Variants in ARHGEF18 observed in about 807,000 individuals in gnomAD.
ARHGEF18 encodes the protein Rho/Rac guanine nucleotide exchange factor 18.
In ARHGEF18, 93 loss-of-function variants were observed where a neutral mutation model predicts 155.7. That is an observed-to-expected ratio of 0.60 (90% CI 0.50 to 0.71). The LOEUF is 0.71. Among genes scored for constraint, ARHGEF18 ranks in the 30% least tolerant of loss-of-function variants. ARHGEF18 has a pLI of 0.00. For missense variants in ARHGEF18, 1,593 were observed against 1,816.1 expected, an observed-to-expected ratio of 0.88 and a Z score of 2.23; for synonymous variants, 742 against 753.1, an observed-to-expected ratio of 0.99 and a Z score of 0.24.
chr19:7,418,000 T>C (rs866874378), intron 10 of ARHGEF18, among the ~76,000 whole-genome samples: 1 of 152,216 alleles, frequency 6.6e-6, no homozygotes, highest in African/African-American at 2.4e-5. Context: ...GGCCATAGTT[T>C]GCCGACCATT....
Position 7,467,264 on chromosome 19 carries a change from CCAGGAGCGGGAGAAG to C in ARHGEF18, c.3064_3078del (p.Glu1022_Gln1026del), listed in dbSNP as rs1169510568. 1.3e-6 allele frequency: 2 copies of C among 1,562,578 alleles called. No homozygotes were observed. ...ATGTGGAGACGCAGCGGGCTGCCATCCAGGAGCGGGAGAAGCAGTTCCGGCTGCAGTCGACGCGTG... is the reference window on the plus strand; with the variant it reads ...ATGTGGAGACGCAGCGGGCTGCCATCCAGTTCCGGCTGCAGTCGACGCGTG... On this transcript the variant is annotated inframe_deletion, in exon 26 of 29. Transcript: ENST00000668164.
At chr19:7,374,369 A>C (rs1970337699) in intron 3 of ARHGEF18, among the ~76,000 whole-genome samples, 1 of 152,066 alleles carries the variant, frequency 6.6e-6, no homozygotes, top group Non-Finnish European at 1.5e-5. Context: ...ATGCATGCAC[A>C]AGCCCAAACT....
Position 7,378,462 on chromosome 19 carries a change from G to A in ARHGEF18, c.599+11G>A. The A allele has an allele frequency of 8.1e-7, 1 of 1,234,414 alleles. No homozygotes were observed. The highest frequency in any genetic ancestry group is 1.0e-6 in the Non-Finnish European group (1 of 988,232). The allele number at this position is 1,234,414 out of a possible 1,614,324, so 76.5% of individuals were successfully genotyped here. ...GGAACCAGATCACGTGTGAGTTTCT[G>A]CCTCGTGGTGGGGGAGGGACCCCCA... On this transcript the variant is annotated intron_variant, in intron 6 of 28. Coordinates refer to ENST00000668164, the MANE Select transcript of ARHGEF18 (RefSeq NM_001367823.1).
chr19:7,434,264 C>T (rs943197770), intron 10 of ARHGEF18, among the ~76,000 whole-genome samples: 1 of 152,100 alleles, frequency 6.6e-6, no homozygotes, highest in South Asian at 2.1e-4. Context: ...GCTGGGATTA[C>T]AGGCATGAGC....
chr19:7,454,569 G>T (rs1975709534), intron 17 of ARHGEF18, among the ~76,000 whole-genome samples: 1 of 152,130 alleles, frequency 6.6e-6, no homozygotes, highest in Non-Finnish European at 1.5e-5. Context: ...TGGTTTGGTG[G>T]GTGTCAACTG....
At chr19:7,360,121 G>A (rs1323562732) in intron 1 of ARHGEF18, among the ~76,000 whole-genome samples, 1 of 152,068 alleles carries the variant, frequency 6.6e-6, no homozygotes, top group Non-Finnish European at 1.5e-5. Context: ...AACCACTCCA[G>A]CCTGGGTGAC....
At chr19:7,452,127 G>A (rs1400367713) in intron 16 of ARHGEF18, among the ~76,000 whole-genome samples, 1 of 152,248 alleles carries the variant, frequency 6.6e-6, no homozygotes, top group Non-Finnish European at 1.5e-5. Context: ...CCTAGCACAG[G>A]CTGGGCCACT....
chr19:7,427,098 G>A (rs949293064), intron 10 of ARHGEF18, among the ~76,000 whole-genome samples: 2 of 152,176 alleles, frequency 1.3e-5, no homozygotes, highest in African/African-American at 4.8e-5. Flanking sequence ...CTGCAGGCAA[G>A]AATGTGGTTC....
intron 20 of ARHGEF18, among the ~76,000 whole-genome samples, chr19:7,461,172 G>C (rs950345049): frequency 1.3e-5 from 2 of 151,954 alleles, no homozygotes; most frequent in Non-Finnish European, 2.9e-5. Flanking sequence ...CTGCACTTTG[G>C]GAGGCTGAGG....
At chr19:7,417,129 C>T (rs1032661593) in intron 10 of ARHGEF18, among the ~76,000 whole-genome samples, 63 of 152,168 alleles carry the variant, frequency 4.1e-4, no homozygotes, top group Non-Finnish European at 5.7e-4. Flanking sequence ...AGGCTGGTCT[C>T]GAACTCCTGA....
intron 1 of ARHGEF18, among the ~76,000 whole-genome samples, chr19:7,357,231 G>A (rs556860416): frequency 6.6e-6 from 1 of 152,270 alleles, no homozygotes; most frequent in African/African-American, 2.4e-5. Context: ...TGCCTGGGGA[G>A]GGTTTTTAGA....
At chr19:7,414,771 T>C (rs375843857) in intron 10 of ARHGEF18, among the ~76,000 whole-genome samples, 15 of 151,266 alleles carry the variant, frequency 9.9e-5, no homozygotes, top group East Asian at 9.8e-4. Flanking sequence ...ATCGCGCCAT[T>C]GCACTCCAGC....
At chr19:7,368,587 C>T (rs927612870) in intron 2 of ARHGEF18, among the ~76,000 whole-genome samples, 7 of 152,198 alleles carry the variant, frequency 4.6e-5, no homozygotes, top group Admixed American at 3.9e-4. Flanking sequence ...ACCCCCATCT[C>T]TGGCCTGGCT....
rs563168257 is a variant in ARHGEF18, at chr19:7,462,465, G to C, written c.2635+131G>C. Reference sequence around the variant, plus strand: ...CCAGGACAGGCTTCTATGTGGGGGGGGCCCAGGAGCAGCACTGACCGCCCC... The same window carrying C: ...CCAGGACAGGCTTCTATGTGGGGGGCGCCCAGGAGCAGCACTGACCGCCCC... On this transcript the variant is annotated intron_variant, in intron 21 of 28. Coordinates refer to ENST00000668164, the MANE Select transcript of ARHGEF18 (RefSeq NM_001367823.1). The surrounding 1 kb of genome is among the most constrained non-coding windows in gnomAD (Gnocchi z 4.4). The C allele has an allele frequency of 2.3e-5, 26 of 1,146,350 alleles. No homozygotes were observed. The South Asian group carries it at 2.6e-4, about 12-fold the overall frequency. The allele number at this position is 1,146,350 out of a possible 1,614,324, so 71.0% of individuals were successfully genotyped here.
At chr19:7,358,159 T>TTCCA (rs72488503) in intron 1 of ARHGEF18, among the ~76,000 whole-genome samples, 23 of 147,050 alleles carry the variant, frequency 1.6e-4, no homozygotes, top group Non-Finnish European at 2.8e-4. Flanking sequence ...CCATCCATCC[T>TTCCA]TCCATCCATC....
chr19:7,435,987 AC>A (rs1974230722), intron 10 of ARHGEF18, among the ~76,000 whole-genome samples: 1 of 151,892 alleles, frequency 6.6e-6, no homozygotes, highest in African/African-American at 2.4e-5. Context: ...GCACACACCA[AC>A]ATGCCTGCCT....
rs1391739690 is a variant in ARHGEF18, at chr19:7,469,998, G to T, written c.3882G>T (p.Leu1294=). The change falls in exon 28 of 29, where the codon CTG becomes CTT. Residue 1294 remains leucine (L), a synonymous_variant. Transcript: ENST00000668164. ...SRNRRSLSPI[L]PGRHSPAPPP... ...ACCGCCGCTCGCTGAGCCCTATCCT[G>T]CCCGGCAGACACAGTCCTGCGCCCC... 1 of 1,613,050 alleles carries T rather than the reference G, an allele frequency of 6.2e-7. No individual in the cohort carries two copies. The highest frequency in any genetic ancestry group is 1.3e-5 in the African/African-American group (1 of 74,896).
chr19:7,399,067 A>C (rs923762463), intron 10 of ARHGEF18, among the ~76,000 whole-genome samples: 2 of 152,222 alleles, frequency 1.3e-5, no homozygotes, highest in African/African-American at 4.8e-5. Context: ...AAATCATTTA[A>C]AAGCCCAGAG....
chr19:7,426,150 A>G (rs1197214321), intron 10 of ARHGEF18, among the ~76,000 whole-genome samples: 1 of 151,816 alleles, frequency 6.6e-6, no homozygotes, highest in Non-Finnish European at 1.5e-5. Flanking sequence ...CTGCACTCTA[A>G]CCTGGTCAAC....
Sources: allele counts gnomAD v4.1 joint callset (sites outside exome capture counted in the v4.1 genomes callset), GRCh38; gene constraint gnomAD v4.1.1; non-coding constraint Gnocchi (gnomAD v3.1); transcripts MANE v1.5; gene names NCBI Gene and HGNC (gene_info 2026-07-23, HGNC 2026-07-21).